SYN2: variants seen among roughly 807,000 people sequenced by gnomAD.
SYN2 encodes synapsin II, also known as synapsin-2.
In SYN2, 19 loss-of-function variants were observed where a neutral mutation model predicts 50.9. That is an observed-to-expected ratio of 0.37 (90% confidence interval 0.26 to 0.55). The LOEUF (loss-of-function observed/expected upper bound fraction) is 0.55. SYN2 is among the 20% of genes least tolerant of loss of function. The probability of loss-of-function intolerance (pLI) is 0.81; values close to 1 mark genes in which losing one functional copy is unlikely to be tolerated. For missense variants in SYN2, 587 were observed against 576.4 expected, an observed-to-expected ratio of 1.02 and a Z score of -0.19; for synonymous variants, 255 against 224.9, an observed-to-expected ratio of 1.13 and a Z score of -1.20.
intron 1 of SYN2, among the ~76,000 whole-genome samples, chr3:12,014,623 G>T (rs1308886248): frequency 6.6e-6 from 1 of 152,140 alleles, no homozygotes; most frequent in Non-Finnish European, 1.5e-5. Flanking sequence ...TGGCTCTCAA[G>T]GAACCATTTT....
chr3:12,173,885 G>A (rs749333706), intron 10 of SYN2, among the ~76,000 whole-genome samples: 13 of 152,180 alleles, frequency 8.5e-5, no homozygotes, highest in Non-Finnish European at 1.2e-4. Flanking sequence ...GTGCACCTGG[G>A]TGACAGAGCA....
At chr3:12,138,282 A>C (rs922552250) in intron 1 of SYN2, among the ~76,000 whole-genome samples, 102 of 152,356 alleles carry the variant, frequency 6.7e-4, no homozygotes, top group African/African-American at 2.4e-3. Flanking sequence ...GGAAACACAC[A>C]CTAAGATTTC....
chr3:12,082,556 C>G lies in SYN2; in HGVS notation c.378-58095C>G, dbSNP rs527919028. ...AAAGTTTGGTATTAGGAAGGCCTTT[C>G]CAAAGTGCTAACTTCAGAACTAGGC... On this transcript the variant is annotated intron_variant, in intron 1 of 12. Transcript: ENST00000621198. Among the ~76,000 whole-genome samples the G allele has an allele frequency of 5.9e-4, 90 of 152,282 alleles. 1 individual carries two copies. Among genetic ancestry groups the G allele is most frequent in the African/African-American group, 2.1e-3 (86 of 41,562 alleles).
rs779871957 is a variant in SYN2 at position 12,157,616 on chromosome 3, GT to G, written c.775-3929del. On this transcript the variant is annotated intron_variant, in intron 5 of 12. Coordinates refer to ENST00000621198, the MANE Select transcript of SYN2 (RefSeq NM_133625.6). ...TTGGTGTGGCTGGGTTGTGAGCAACGTGATGTGTGAGAAGGGGGACCTGGAA... is the reference window on the plus strand; with the variant it reads ...TTGGTGTGGCTGGGTTGTGAGCAACGGATGTGTGAGAAGGGGGACCTGGAA... 480 of 756,432 alleles carry G rather than the reference GT, an allele frequency of 6.3e-4. 3 individuals carry two copies. The highest frequency in any genetic ancestry group is 3.7e-4 in the Non-Finnish European group (169 of 451,514). 46.9% of individuals were successfully genotyped at this position (756,432 alleles called of 1,614,324 possible). A position where few individuals can be genotyped will look rare whatever the true frequency, so the allele number is the denominator to read the frequency against.
intron 1 of SYN2, among the ~76,000 whole-genome samples, chr3:12,137,964 G>A (rs534055470): frequency 8.5e-5 from 13 of 152,234 alleles, no homozygotes; most frequent in African/African-American, 2.9e-4. Context: ...GCCTCCCTAA[G>A]GTCATACAAC....
intron 10 of SYN2, among the ~76,000 whole-genome samples, chr3:12,178,090 T>C (rs1208855753): frequency 6.6e-6 from 1 of 152,124 alleles, no homozygotes; most frequent in African/African-American, 2.4e-5. Context: ...ACCTACAACC[T>C]CCTGACCACA....
intron 1 of SYN2, among the ~76,000 whole-genome samples, chr3:12,084,741 T>A (rs1349360131): frequency 6.6e-6 from 1 of 152,208 alleles, no homozygotes; most frequent in Non-Finnish European, 1.5e-5. Flanking sequence ...AGATGTTAGA[T>A]GTGATACCAA....
chr3:12,123,056 C>T (rs1168590491), intron 1 of SYN2, among the ~76,000 whole-genome samples: 1 of 152,070 alleles, frequency 6.6e-6, no homozygotes, highest in Non-Finnish European at 1.5e-5. Flanking sequence ...CATGATGCCT[C>T]TCAAAGAGAC....
intron 1 of SYN2, among the ~76,000 whole-genome samples, chr3:12,135,071 A>G (rs1480543257): frequency 6.6e-6 from 1 of 152,254 alleles, no homozygotes; most frequent in African/African-American, 2.4e-5. Context: ...CATACTTGTT[A>G]GAAGAGACAG....
At chr3:12,103,103 A>G (rs1009333126) in intron 1 of SYN2, among the ~76,000 whole-genome samples, 2 of 152,178 alleles carry the variant, frequency 1.3e-5, no homozygotes, top group Admixed American at 1.3e-4. Context: ...TTTATAGATG[A>G]AAAAACAGAA....
chr3:12,154,071 G>T (rs1697381349), intron 5 of SYN2, among the ~76,000 whole-genome samples: 1 of 152,144 alleles, frequency 6.6e-6, no homozygotes, highest in Admixed American at 6.5e-5. Flanking sequence ...TATTACAGTG[G>T]CTGGCAAAGA....
chr3:12,107,873 C>T (rs1696229454), intron 1 of SYN2, among the ~76,000 whole-genome samples: 1 of 152,144 alleles, frequency 6.6e-6, no homozygotes, highest in Non-Finnish European at 1.5e-5. Context: ...TTCAACAAAT[C>T]TCCTAGAATA....
intron 5 of SYN2, chr3:12,153,855 TG>T: frequency 1.1e-6 from 1 of 892,066 alleles, no homozygotes; most frequent in Non-Finnish European, 1.7e-6. Flanking sequence ...AGTCTTCTCC[TG>T]GATTCTCCTT....
intron 1 of SYN2, among the ~76,000 whole-genome samples, chr3:12,088,509 T>A (rs1285122018): frequency 6.6e-6 from 1 of 152,158 alleles, no homozygotes; most frequent in African/African-American, 2.4e-5. Flanking sequence ...TCAAAAAATA[T>A]AATTACTGTA....
intron 1 of SYN2, among the ~76,000 whole-genome samples, chr3:12,011,661 A>G (rs1202230788): frequency 6.6e-6 from 1 of 152,252 alleles, no homozygotes; most frequent in East Asian, 1.9e-4. Context: ...ATTGAGGGTC[A>G]AAAGACTTCG....
chr3:12,187,306 A>G (rs1237059415), intron 11 of SYN2, 63 bp from the exon 12 acceptor site: 2 of 1,466,542 alleles, frequency 1.4e-6, no homozygotes, highest in Non-Finnish European at 1.8e-6. Context: ...TTGAGGCATA[A>G]ATTCTAATAA....
chr3:12,191,270 C>T lies in SYN2; in HGVS notation c.*645C>T. 1.3e-6 allele frequency: 1 copy of T among 779,364 alleles called. No homozygotes were observed. The highest frequency in any genetic ancestry group is 1.6e-6 in the Non-Finnish European group (1 of 642,222). The allele number at this position is 779,364 out of a possible 1,614,324, so 48.3% of individuals were successfully genotyped here. A position where few individuals can be genotyped will look rare whatever the true frequency, so the allele number is the denominator to read the frequency against. ...CTGAAGAGTGGTTCTTATGTGCAAT[C>T]TGCAGTAACCTTGAACTCCAGAGCT... is the stretch of plus-strand genomic sequence containing the variant. On this transcript the variant is annotated 3_prime_UTR_variant, in exon 13 of 13. Transcript: ENST00000621198.
rs1429807041 is a variant in SYN2 at position 12,190,906 on chromosome 3, T to C, written c.*281T>C. The C allele has an allele frequency of 3.4e-6, 4 of 1,177,590 alleles. No individual in the cohort carries two copies. The highest frequency in any genetic ancestry group is 4.2e-6 in the Non-Finnish European group (4 of 951,568). The allele number at this position is 1,177,590 out of a possible 1,614,324, so 72.9% of individuals were successfully genotyped here. A position where few individuals can be genotyped will look rare whatever the true frequency, so the allele number is the denominator to read the frequency against. ...CTGAAGTCATCGTTCGCTGTGAGTT[T>C]AGTGGCCTTATTGTGACAGTGCCAT... On this transcript the variant is annotated 3_prime_UTR_variant, in exon 13 of 13. Transcript: ENST00000621198.
At chr3:12,025,374 G>T (rs978029897) in intron 1 of SYN2, among the ~76,000 whole-genome samples, 17 of 152,220 alleles carry the variant, frequency 1.1e-4, no homozygotes, top group African/African-American at 4.1e-4. Context: ...AGAGAAGGCT[G>T]TACCTAACAT....
Sources: allele counts gnomAD v4.1 joint callset (sites outside exome capture counted in the v4.1 genomes callset), GRCh38; gene constraint gnomAD v4.1.1; transcripts MANE v1.5; gene names NCBI Gene and HGNC (gene_info 2026-07-23, HGNC 2026-07-21).